The following RSPRY1 variants were observed in gnomAD, a reference collection of about 807,000 sequenced individuals.
The protein encoded by RSPRY1 is RING finger and SPRY domain-containing protein 1.
Under a neutral mutation model 73.1 loss-of-function variants are expected in RSPRY1, and 23 were observed. The ratio of observed to expected loss-of-function variants is 0.31; its 90% CI spans 0.23 to 0.45. The LOEUF is 0.45. Ranked by LOEUF, RSPRY1 falls within the 20% of genes least tolerant of loss-of-function variation. The probability of loss-of-function intolerance (pLI) is 1.00; values close to 1 mark genes in which losing one functional copy is unlikely to be tolerated. For synonymous variants in RSPRY1, 226 were observed against 251.4 expected, an observed-to-expected ratio of 0.90 and a Z score of 0.95; for missense variants, 448 against 698.7, an observed-to-expected ratio of 0.64 and a Z score of 4.05.
At chr16:57,220,710 A>G in intron 8 of RSPRY1, 22 bp from the exon 9 acceptor site, 1 of 1,516,908 alleles carries the variant, frequency 6.6e-7, no homozygotes, top group Non-Finnish European at 9.2e-7. Flanking sequence ...CCTTAGAAAC[A>G]TGAACACTCT....
chr16:57,198,015 C>G (rs2074483207), intron 1 of RSPRY1, among the ~76,000 whole-genome samples: 1 of 149,572 alleles, frequency 6.7e-6, no homozygotes, highest in South Asian at 2.2e-4. Context: ...CATGAGCCAC[C>G]ATGCCCATCC....
chr16:57,206,935 A>G lies in RSPRY1; in HGVS notation c.351-1123A>G, dbSNP rs189042822. On this transcript the variant is annotated intron_variant, in intron 2 of 14. Coordinates refer to ENST00000394420, the MANE Select transcript of RSPRY1 (RefSeq NM_133368.3). ...TTGTTTTTAACTTTTCTCAACATCG[A>G]AATCTGTGTTACTGTATATAAATCT... is the stretch of plus-strand genomic sequence containing the variant. Among the ~76,000 whole-genome samples the G allele has an allele frequency of 4.6e-5, 7 of 152,322 alleles. No individual in the cohort carries two copies. In the East Asian group the frequency reaches 1.3e-3, roughly 29 times the overall value.
At chr16:57,212,398 G>A (rs1486361142) in intron 4 of RSPRY1, among the ~76,000 whole-genome samples, 1 of 152,078 alleles carries the variant, frequency 6.6e-6, no homozygotes, top group Non-Finnish European at 1.5e-5. Context: ...AGCCTTTAAT[G>A]TTTTCATAAT....
At chr16:57,210,279 T>G (rs2074814898) in intron 4 of RSPRY1, among the ~76,000 whole-genome samples, 1 of 149,920 alleles carries the variant, frequency 6.7e-6, no homozygotes, top group African/African-American at 2.5e-5. Context: ...AGGGTCTCAC[T>G]ATGTTGCCCA....
intron 1 of RSPRY1, among the ~76,000 whole-genome samples, chr16:57,198,520 A>AC (rs1210605652): frequency 6.6e-6 from 1 of 152,128 alleles, no homozygotes. Context: ...CCTCACAGGC[A>AC]CCCCCAAGAT....
Position 57,208,069 on chromosome 16 carries a change from C to A in RSPRY1, c.362C>A (p.Pro121His). The A allele has an allele frequency of 6.3e-7, 1 of 1,591,004 alleles. No individual in the cohort carries two copies. The highest frequency in any genetic ancestry group is 8.6e-7 in the Non-Finnish European group (1 of 1,167,730). ...IRTLVDNDQEPPYSMITLHEM... is the reference protein window; with the variant it reads ...IRTLVDNDQEHPYSMITLHEM... The stretch of plus-strand genomic sequence containing the variant: ...ATTTTTTTTTCCAGTGATCAGGAAC[C>A]TCCCTATTCAATGATAACATTACAC... Residue 121 changes from proline (P) to histidine (H), a missense_variant, in exon 3 of 15, where the codon CCT (proline) becomes CAT (histidine). Transcript: ENST00000394420.
At chr16:57,196,928 A>G (rs1238226968) in intron 1 of RSPRY1, among the ~76,000 whole-genome samples, 1 of 152,180 alleles carries the variant, frequency 6.6e-6, no homozygotes, top group East Asian at 1.9e-4. Context: ...AAGAACTGTT[A>G]CTATGTCTGT....
intron 2 of RSPRY1, among the ~76,000 whole-genome samples, chr16:57,206,047 A>T (rs1182171356): frequency 6.6e-6 from 1 of 152,226 alleles, no homozygotes; most frequent in African/African-American, 2.4e-5. Flanking sequence ...AATACAAACG[A>T]ATTTTTAGAG....
At chr16:57,215,394 C>T (rs993638444) in intron 6 of RSPRY1, among the ~76,000 whole-genome samples, 1 of 152,112 alleles carries the variant, frequency 6.6e-6, no homozygotes, top group Non-Finnish European at 1.5e-5. Context: ...TGTGAGGTTT[C>T]CAGAACTTAG....
rs368389140 is a variant in RSPRY1, at chr16:57,212,936, A to T, written c.517-36A>T. ...AGCCTGGGAAAACAACCTGTGTAGT[A>T]TATGGGTCAAACCCACTTGTACTTT... On this transcript the variant is annotated intron_variant, in intron 4 of 14. Transcript: ENST00000394420. The T allele has an allele frequency of 5.0e-6, 8 of 1,608,246 alleles. No homozygotes were observed. The African/African-American group carries it at 1.1e-4, about 22-fold the overall frequency.
At chr16:57,186,803 A>G (rs921233676) in intron 1 of RSPRY1, 21 of 152,432 alleles carry the variant, frequency 1.4e-4, no homozygotes, top group African/African-American at 4.8e-4. Context: ...GCAGCTATCT[A>G]TCTCCTGGGG....
intron 10 of RSPRY1, among the ~76,000 whole-genome samples, chr16:57,222,083 G>A (rs183577140): frequency 1.2e-3 from 180 of 152,250 alleles, no homozygotes; most frequent in Admixed American, 2.1e-3. Context: ...TTTTGATCAG[G>A]AATATTTTGT....
In RSPRY1 at chr16:57,227,380, G is replaced by C. The variant is rs759791177; in HGVS notation, c.1200G>C (p.Ala400=). The C allele has an allele frequency of 6.2e-7, 1 of 1,614,104 alleles. No homozygotes were observed. The highest frequency in any genetic ancestry group is 1.1e-5 in the South Asian group (1 of 91,076). The change falls in exon 11 of 15, where the codon GCG becomes GCC. Residue 400 remains alanine, a synonymous_variant. Coordinates refer to ENST00000394420, the MANE Select transcript of RSPRY1 (RefSeq NM_133368.3). ...YGIGDDEYSC[A]YDGCRQLIWY... The stretch of plus-strand genomic sequence containing the variant: ...TTGGGGATGATGAATACTCCTGTGC[G>C]TATGATGGCTGCCGGCAGCTGATTT...
At chr16:57,190,810 A>G (rs1292317513) in intron 1 of RSPRY1, among the ~76,000 whole-genome samples, 2 of 152,200 alleles carry the variant, frequency 1.3e-5, no homozygotes, top group African/African-American at 2.4e-5. Flanking sequence ...TGTCCATTCC[A>G]AAAGGGAGTG....
intron 12 of RSPRY1, 144 bp from the exon 13 acceptor site, chr16:57,231,023 T>C (rs1246623337): frequency 1.3e-6 from 1 of 794,392 alleles, no homozygotes; most frequent in South Asian, 1.8e-5. Flanking sequence ...CACAGACCTG[T>C]GTGGGTTATA....
chr16:57,226,422 A>G (rs2075122357), intron 10 of RSPRY1, among the ~76,000 whole-genome samples: 1 of 152,230 alleles, frequency 6.6e-6, no homozygotes, highest in South Asian at 2.1e-4. Flanking sequence ...TGGGCTGCTC[A>G]ACTGAGTATA....
chr16:57,220,095 C>G (rs1169794947), intron 8 of RSPRY1: 1 of 152,162 alleles, frequency 6.6e-6, no homozygotes, highest in Non-Finnish European at 1.5e-5. Flanking sequence ...TGTGATTCCT[C>G]CAGTTTCGTT....
At chr16:57,188,201 C>T (rs1455902652) in intron 1 of RSPRY1, among the ~76,000 whole-genome samples, 1 of 152,220 alleles carries the variant, frequency 6.6e-6, no homozygotes, top group African/African-American at 2.4e-5. Context: ...CTTATGTGGA[C>T]TTTGCATTTC....
intron 11 of RSPRY1, among the ~76,000 whole-genome samples, chr16:57,229,670 C>CTGATAAG (rs1449609951): frequency 9.0e-6 from 1 of 111,302 alleles, no homozygotes; most frequent in Non-Finnish European, 1.8e-5. Flanking sequence ...TTTACTTTAT[C>CTGATAAG]TGATAAGTGA....
Sources: gnomAD v4.1 joint callset for allele counts (sites outside exome capture counted in the v4.1 genomes callset) on GRCh38, gnomAD v4.1.1 for gene constraint, MANE v1.5 for transcripts, NCBI Gene and HGNC (gene_info 2026-07-23, HGNC 2026-07-21) for gene names.